FBXL13: variants seen among roughly 807,000 people sequenced by gnomAD.
The protein encoded by FBXL13 is F-box and leucine rich repeat protein 13, also known as F-box and leucine-rich repeat protein 13.
FBXL13 carries 67 observed loss-of-function variants against 83.6 expected under a neutral mutation model. That is an observed-to-expected ratio of 0.80 (90% confidence interval 0.66 to 0.98). The LOEUF (loss-of-function observed/expected upper bound fraction) is 0.98, where lower values mean the gene tolerates loss of function less well. Among genes scored for constraint, FBXL13 ranks in the 50% least tolerant of loss-of-function variants. The pLI is 0.00. For missense variants in FBXL13, 822 were observed against 866.5 expected (o/e 0.95, Z 0.64); for synonymous variants, 272 against 299.5 (o/e 0.91, Z 0.95).
intron 17 of FBXL13, among the ~76,000 whole-genome samples, chr7:102,839,072 T>A (rs1008874149): frequency 3.3e-5 from 5 of 152,208 alleles, no homozygotes; most frequent in Non-Finnish European, 7.3e-5. Context: ...AATTCTGAGA[T>A]AGGAGAAAAA....
intron 6 of FBXL13, among the ~76,000 whole-genome samples, chr7:102,979,015 T>C (rs1827855262): frequency 6.6e-6 from 1 of 152,208 alleles, no homozygotes; most frequent in East Asian, 1.9e-4. Context: ...GAAATCTACA[T>C]GATATAAAGA....
chr7:102,982,065 A>G (rs1828312236), intron 6 of FBXL13, among the ~76,000 whole-genome samples: 2 of 151,958 alleles, frequency 1.3e-5, no homozygotes, highest in Admixed American at 6.5e-5. Flanking sequence ...TTTTTCCTCC[A>G]CTGTGGAGTA....
chr7:102,954,395 C>T (rs369369688), intron 8 of FBXL13, among the ~76,000 whole-genome samples: 3 of 152,138 alleles, frequency 2.0e-5, no homozygotes, highest in African/African-American at 4.8e-5. Context: ...GAAGGAAGCA[C>T]TAAACATGGA....
At chr7:103,032,740 T>C (rs996103768) in intron 2 of FBXL13, among the ~76,000 whole-genome samples, 1 of 152,222 alleles carries the variant, frequency 6.6e-6, no homozygotes, top group Non-Finnish European at 1.5e-5. Flanking sequence ...TATTACATTC[T>C]AAAAGTCAGC....
chr7:102,825,182 T>C (rs2129446184), intron 18 of FBXL13, among the ~76,000 whole-genome samples: 1 of 152,344 alleles, frequency 6.6e-6, no homozygotes, highest in Non-Finnish European at 1.5e-5. Flanking sequence ...TTGTATGCTA[T>C]GGTTTGAATG....
chr7:102,873,592 G>A (rs1808822362), intron 16 of FBXL13, among the ~76,000 whole-genome samples: 1 of 152,178 alleles, frequency 6.6e-6, no homozygotes, highest in Non-Finnish European at 1.5e-5. Flanking sequence ...ATAGAAGTGA[G>A]CTTTTCGGAA....
At chr7:102,864,612 AC>A (rs1319284244) in intron 16 of FBXL13, among the ~76,000 whole-genome samples, 1 of 151,514 alleles carries the variant, frequency 6.6e-6, no homozygotes, top group East Asian at 1.9e-4. Context: ...CAGGTAATCC[AC>A]CCTCCTTGAC....
intron 6 of FBXL13, among the ~76,000 whole-genome samples, chr7:103,023,421 A>G (rs967024639): frequency 6.6e-6 from 1 of 152,222 alleles, no homozygotes; most frequent in African/African-American, 2.4e-5. Context: ...CATTAGAGAA[A>G]TGTAAATCTC....
intron 2 of FBXL13, among the ~76,000 whole-genome samples, chr7:103,030,637 T>C (rs1585447740): frequency 1.3e-5 from 2 of 152,046 alleles, no homozygotes; most frequent in Middle Eastern, 3.4e-3. Context: ...AAATGATATG[T>C]CATAAAAATA....
chr7:102,884,280 G>T, exon 12 of FBXL13: 2 of 1,613,704 alleles, frequency 1.2e-6, no homozygotes, highest in South Asian at 2.2e-5. Context: ...CAGTGCAGCT[G>T]TTTGCAATGT....
chr7:102,834,562 G>C (rs944841024), intron 17 of FBXL13: 8 of 151,240 alleles, frequency 5.3e-5, no homozygotes, highest in African/African-American at 1.9e-4. Flanking sequence ...ATGCACACTG[G>C]CTAGTGCTTG....
At chr7:102,820,407 T>C (rs928809482) in intron 19 of FBXL13, among the ~76,000 whole-genome samples, 5 of 152,204 alleles carry the variant, frequency 3.3e-5, no homozygotes, top group African/African-American at 9.6e-5. Flanking sequence ...GAGTTCTACA[T>C]TGGGGTTTTG....
chr7:102,960,819 T>C (rs1384066201), intron 8 of FBXL13, among the ~76,000 whole-genome samples: 4 of 151,482 alleles, frequency 2.6e-5, no homozygotes, highest in Admixed American at 1.3e-4. Flanking sequence ...AAATTAGGTA[T>C]TGATGGGACG....
intron 6 of FBXL13, among the ~76,000 whole-genome samples, chr7:102,994,720 A>T (rs1829917417): frequency 6.6e-6 from 1 of 152,182 alleles, no homozygotes; most frequent in South Asian, 2.1e-4. Context: ...AAACTGGCTT[A>T]GTTCTGATTG....
chr7:103,022,486 A>C (rs1371224490), intron 6 of FBXL13, among the ~76,000 whole-genome samples: 1 of 152,228 alleles, frequency 6.6e-6, no homozygotes, highest in African/African-American at 2.4e-5. Flanking sequence ...TAAAAAAAAA[A>C]ACCAGAAATA....
intron 6 of FBXL13, among the ~76,000 whole-genome samples, chr7:103,002,236 T>A (rs558783563): frequency 1.0e-3 from 155 of 152,276 alleles, no homozygotes; most frequent in Non-Finnish European, 1.7e-3. Flanking sequence ...AAATGGCAAG[T>A]TTTTTTAAAC....
intron 1 of FBXL13, among the ~76,000 whole-genome samples, chr7:103,073,846 C>G (rs1799305093): frequency 6.6e-6 from 1 of 152,142 alleles, no homozygotes; most frequent in Non-Finnish European, 1.5e-5. Context: ...TCTTTCTTTC[C>G]CTAGACATCT....
At chr7:103,058,504 T>C (rs1797553033) in intron 1 of FBXL13, among the ~76,000 whole-genome samples, 1 of 152,228 alleles carries the variant, frequency 6.6e-6, no homozygotes, top group Non-Finnish European at 1.5e-5. Flanking sequence ...CACAGCTCCC[T>C]CAATATCCTT....
chr7:103,040,911 T>G (rs1795611682), intron 2 of FBXL13, among the ~76,000 whole-genome samples: 1 of 151,758 alleles, frequency 6.6e-6, no homozygotes, highest in South Asian at 2.1e-4. Flanking sequence ...AAATCACAAT[T>G]AAAAGAACTA....
Sources: gnomAD v4.1 joint callset for allele counts (sites outside exome capture counted in the v4.1 genomes callset) on GRCh38, gnomAD v4.1.1 for gene constraint, MANE v1.5 for transcripts, NCBI Gene and HGNC (gene_info 2026-07-23, HGNC 2026-07-21) for gene names.